The following SH3GL3 variants were observed in gnomAD, a reference collection of about 807,000 sequenced individuals.
SH3GL3 encodes endophilin-A3.
A neutral mutation model predicts 47.7 loss-of-function variants in SH3GL3; 33 were observed. The observed-to-expected ratio is 0.69, with a 90% confidence interval of 0.52 to 0.92. The LOEUF (loss-of-function observed/expected upper bound fraction) is 0.92, where lower values mean the gene tolerates loss of function less well. SH3GL3 is among the 40% of genes least tolerant of loss of function. SH3GL3 has a pLI of 0.00. For synonymous variants in SH3GL3, 155 were observed against 148.8 expected, an observed-to-expected ratio of 1.04 and a Z score of -0.30; for missense variants, 363 against 417.8, an observed-to-expected ratio of 0.87 and a Z score of 1.14.
At chr15:83,497,811 A>G (rs966453286) in intron 1 of SH3GL3, among the ~76,000 whole-genome samples, 1 of 152,236 alleles carries the variant, frequency 6.6e-6, no homozygotes, top group Non-Finnish European at 1.5e-5. Context: ...TGAATCCAGC[A>G]GGCATTTGTG....
intron 1 of SH3GL3, among the ~76,000 whole-genome samples, chr15:83,544,518 T>C (rs1365607335): frequency 2.0e-5 from 3 of 152,136 alleles, no homozygotes; most frequent in Non-Finnish European, 2.9e-5. Flanking sequence ...GAAATGCTAA[T>C]GAGTAGTTTA....
intron 1 of SH3GL3, among the ~76,000 whole-genome samples, chr15:83,556,719 A>G (rs1391390118): frequency 6.6e-6 from 1 of 152,236 alleles, no homozygotes; most frequent in Non-Finnish European, 1.5e-5. Flanking sequence ...CCGAAAACAC[A>G]GCGACTTAAG....
chr15:83,513,697 T>A (rs2042866008), intron 1 of SH3GL3, among the ~76,000 whole-genome samples: 1 of 152,166 alleles, frequency 6.6e-6, no homozygotes, highest in Non-Finnish European at 1.5e-5. Context: ...TGACCCTCCA[T>A]TCATTTCTAC....
chr15:83,450,488 GTTCCTT>G (rs1188715735), intron 1 of SH3GL3, among the ~76,000 whole-genome samples: 1 of 152,002 alleles, frequency 6.6e-6, no homozygotes, highest in Non-Finnish European at 1.5e-5. Context: ...CCGGTTAACT[GTTCCTT>G]TTTTCCTGAT....
chr15:83,579,657 C>T (rs567962446), intron 6 of SH3GL3, among the ~76,000 whole-genome samples: 1 of 152,084 alleles, frequency 6.6e-6, no homozygotes, highest in Admixed American at 6.5e-5. Context: ...TCACTGACAC[C>T]CCATGATAAA....
intron 1 of SH3GL3, among the ~76,000 whole-genome samples, chr15:83,495,999 G>A (rs533292502): frequency 6.6e-6 from 1 of 152,026 alleles, no homozygotes; most frequent in South Asian, 2.1e-4. Flanking sequence ...GGAGGAGAAA[G>A]GAGGCAAAGA....
intron 6 of SH3GL3, among the ~76,000 whole-genome samples, chr15:83,577,072 G>C (rs1014881255): frequency 2.6e-5 from 4 of 151,594 alleles, no homozygotes; most frequent in South Asian, 4.2e-4. Flanking sequence ...CACCACACTC[G>C]GCTAATTTTT....
intron 1 of SH3GL3, among the ~76,000 whole-genome samples, chr15:83,535,188 A>C (rs543642461): frequency 2.0e-5 from 3 of 152,116 alleles, no homozygotes; most frequent in Non-Finnish European, 4.4e-5. Flanking sequence ...TAAAAAAAAA[A>C]CTCAGGTATA....
the SH3GL3 span, among the ~76,000 whole-genome samples, chr15:83,627,621 T>A: frequency 1.3e-5 from 2 of 152,196 alleles, no homozygotes; most frequent in Non-Finnish European, 2.9e-5. Flanking sequence ...GTATGTCTGG[T>A]CCTAACCCCT....
intron 1 of SH3GL3, among the ~76,000 whole-genome samples, chr15:83,538,444 A>G (rs1036166931): frequency 1.3e-5 from 2 of 152,244 alleles, no homozygotes; most frequent in Admixed American, 1.3e-4. Context: ...ACAAAGTGAC[A>G]CATTCATGTG....
chr15:83,597,799 G>A (rs1486636483), intron 8 of SH3GL3, among the ~76,000 whole-genome samples: 2 of 151,908 alleles, frequency 1.3e-5, no homozygotes. Context: ...TAGTAGAGAC[G>A]GGGTTTCACC....
intron 1 of SH3GL3, among the ~76,000 whole-genome samples, chr15:83,522,396 T>C (rs1050622485): frequency 1.3e-5 from 2 of 152,192 alleles, no homozygotes; most frequent in African/African-American, 4.8e-5. Context: ...ACCAAAATAT[T>C]GTTTGTTTAT....
chr15:83,599,954 A>AT (rs1168995813), intron 8 of SH3GL3, among the ~76,000 whole-genome samples: 2 of 151,632 alleles, frequency 1.3e-5, no homozygotes, highest in Non-Finnish European at 2.9e-5. Context: ...GATGTTGAGC[A>AT]TTTTTTTCAT....
At chr15:83,599,163 A>T (rs2060314737) in intron 8 of SH3GL3, among the ~76,000 whole-genome samples, 1 of 152,116 alleles carries the variant, frequency 6.6e-6, no homozygotes. Flanking sequence ...TTCCCATGTG[A>T]AGCACTCCCC....
At chr15:83,591,991 A>T (rs2060119223) in intron 8 of SH3GL3, among the ~76,000 whole-genome samples, 1 of 152,238 alleles carries the variant, frequency 6.6e-6, no homozygotes, top group South Asian at 2.1e-4. Flanking sequence ...ACATTTTTAA[A>T]AAAAACATGG....
intron 8 of SH3GL3, among the ~76,000 whole-genome samples, chr15:83,590,857 G>C (rs955725842): frequency 1.3e-5 from 2 of 151,902 alleles, no homozygotes; most frequent in Non-Finnish European, 1.5e-5. Flanking sequence ...ATATTCTCTC[G>C]CTCTGTAGCT....
intron 1 of SH3GL3, among the ~76,000 whole-genome samples, chr15:83,529,797 G>A (rs1261121440): frequency 6.6e-6 from 1 of 152,122 alleles, no homozygotes; most frequent in Non-Finnish European, 1.5e-5. Context: ...GTACACATTA[G>A]TCCTTAGCAG....
At chr15:83,607,447 GA>G (rs2060548131) in intron 8 of SH3GL3, among the ~76,000 whole-genome samples, 1 of 152,146 alleles carries the variant, frequency 6.6e-6, no homozygotes, top group Non-Finnish European at 1.5e-5. Flanking sequence ...AGAGACATAG[GA>G]AAAGTGTAAG....
At chr15:83,460,048 C>CCCTG (rs1567236264) in intron 1 of SH3GL3, among the ~76,000 whole-genome samples, 1 of 50,750 alleles carries the variant, frequency 2.0e-5, no homozygotes, top group African/African-American at 9.6e-5. Context: ...CTCCCTCCCT[C>CCCTG]CCTCCCTGCC....
Sources: gnomAD v4.1 joint callset for allele counts (sites outside exome capture counted in the v4.1 genomes callset) on GRCh38, gnomAD v4.1.1 for gene constraint, MANE v1.5 for transcripts, NCBI Gene and HGNC (gene_info 2026-07-23, HGNC 2026-07-21) for gene names.